The following DMD variants were observed in gnomAD, a reference collection of about 807,000 sequenced individuals.
The protein encoded by DMD is dystrophin.
A neutral mutation model predicts 330.1 loss-of-function variants in DMD; 63 were observed. The ratio of observed to expected loss-of-function variants is 0.19; its 90% confidence interval spans 0.16 to 0.24. The LOEUF (loss-of-function observed/expected upper bound fraction) is 0.24. Ranked by LOEUF, DMD falls within the 10% of genes least tolerant of loss-of-function variation. The pLI is 1.00. For missense variants in DMD, 3,344 were observed against 2,684.1 expected, an observed-to-expected ratio of 1.25 and a Z score of -5.43; for synonymous variants, 1,223 against 959.8, an observed-to-expected ratio of 1.27 and a Z score of -5.07.
chrX:31,453,196 C>T (rs2065885412), intron 59 of DMD, among the ~76,000 whole-genome samples: 1 of 111,220 alleles, frequency 9.0e-6, no homozygotes, highest in South Asian at 3.8e-4. Context: ...CGCTCTGTTG[C>T]CCAGGCTGGA....
intron 2 of DMD, among the ~76,000 whole-genome samples, chrX:32,901,750 A>T (rs1161662214): frequency 9.0e-6 from 1 of 110,910 alleles, no homozygotes; most frequent in East Asian, 2.8e-4. Flanking sequence ...GAAAATTATA[A>T]AATAGAAAAA....
At chrX:33,182,872 A>G (rs1485418686) in intron 1 of DMD, among the ~76,000 whole-genome samples, 2 of 112,412 alleles carry the variant, frequency 1.8e-5, no homozygotes, top group Non-Finnish European at 3.8e-5. Context: ...TATAAAGCTG[A>G]CAATAAGCAT....
intron 74 of DMD, among the ~76,000 whole-genome samples, chrX:31,154,475 T>C (rs1315791595): frequency 9.3e-6 from 1 of 107,412 alleles, no homozygotes; most frequent in African/African-American, 3.4e-5. Flanking sequence ...TTTGTATTTT[T>C]AGTAGAGACA....
chrX:32,441,408 AC>A, intron 27 of DMD, 94 bp from the exon 28 acceptor site: 1 of 909,213 alleles, frequency 1.1e-6, no homozygotes, highest in Non-Finnish European at 1.6e-6. Context: ...TGAAAATATA[AC>A]ACTTTGTATT....
chrX:32,806,813 T>C (rs745823082), intron 7 of DMD, among the ~76,000 whole-genome samples: 20 of 62,049 alleles, frequency 3.2e-4, no homozygotes, highest in Non-Finnish European at 2.1e-4. Context: ...TACAACTACA[T>C]GGAAACTAAC....
At chrX:32,547,872 A>G (rs1466224399) in intron 16 of DMD, among the ~76,000 whole-genome samples, 3 of 111,620 alleles carry the variant, frequency 2.7e-5, no homozygotes, top group African/African-American at 9.7e-5. Flanking sequence ...CTGCCTGATT[A>G]AGACTTCCTC....
At chrX:31,743,939 C>T (rs1045864559) in intron 51 of DMD, among the ~76,000 whole-genome samples, 2 of 110,776 alleles carry the variant, frequency 1.8e-5, no homozygotes, top group African/African-American at 6.6e-5. Context: ...TTACTGCCGC[C>T]TTGACCTCCT....
chrX:31,244,382 G>T (rs896764810), intron 63 of DMD, among the ~76,000 whole-genome samples: 3 of 111,660 alleles, frequency 2.7e-5, no homozygotes, highest in Admixed American at 1.9e-4. Flanking sequence ...GTCTGTTTTT[G>T]ACCACACTGA....
intron 44 of DMD, among the ~76,000 whole-genome samples, chrX:32,178,940 T>TTC (rs528690053): frequency 0.041 from 2,788 of 68,537 alleles, 70 homozygotes; most frequent in East Asian, 0.097. Flanking sequence ...AAACCCCAGA[T>TTC]TCTCTCTCTC....
chrX:31,762,524 G>A (rs770888466), intron 51 of DMD, among the ~76,000 whole-genome samples: 11 of 111,609 alleles, frequency 9.9e-5, no homozygotes, highest in African/African-American at 1.6e-4. Flanking sequence ...AGTCGAGATC[G>A]CGCCACTGCA....
rs1169678184 is a variant in DMD, at chrX:32,883,823, C to CCAAAAAAAAAAAAAAAAAAAA, written c.94-34004_94-34003insTTTTTTTTTTTTTTTTTTTTG. Among the ~76,000 whole-genome samples the CCAAAAAAAAAAAAAAAAAAAA allele has an allele frequency of 3.3e-4, 10 of 30,339 alleles. 1 individual carries two copies. Among genetic ancestry groups the CCAAAAAAAAAAAAAAAAAAAA allele is most frequent in the African/African-American group, 1.4e-3 (10 of 6,969 alleles). 26.3% of individuals were successfully genotyped at this position (30,339 alleles called of 115,157 possible). A position where few individuals can be genotyped will look rare whatever the true frequency, so the allele number is the denominator to read the frequency against. On this transcript the variant is annotated intron_variant, in intron 2 of 78. Transcript: ENST00000357033. ...TGGGTGACAGAGCAAGACTCTGTTTCAAAAAAAAAAAAAAAAAAAAAAAAA... is the reference window on the plus strand; with the variant it reads ...TGGGTGACAGAGCAAGACTCTGTTTCCAAAAAAAAAAAAAAAAAAAAAAAAAAAAAAAAAAAAAAAAAAAAA...
At chrX:31,593,644 C>T (rs2076978204) in intron 55 of DMD, among the ~76,000 whole-genome samples, 2 of 110,722 alleles carry the variant, frequency 1.8e-5, no homozygotes, top group African/African-American at 6.5e-5. Context: ...GTAGCTTTTT[C>T]CTCGACTTTA....
At chrX:32,269,980 C>G (rs1042015635) in intron 43 of DMD, among the ~76,000 whole-genome samples, 1 of 112,103 alleles carries the variant, frequency 8.9e-6, no homozygotes, top group African/African-American at 3.2e-5. Context: ...TACTTATTTA[C>G]CACAGCTAGA....
At chrX:32,753,373 C>T (rs761222126) in intron 7 of DMD, among the ~76,000 whole-genome samples, 11 of 112,007 alleles carry the variant, frequency 9.8e-5, no homozygotes, top group Non-Finnish European at 1.9e-4. Flanking sequence ...ACACTTTGCC[C>T]ATAGGAGGTG....
intron 47 of DMD, among the ~76,000 whole-genome samples, chrX:31,885,653 C>T (rs1301857247): frequency 2.1e-5 from 2 of 96,351 alleles, no homozygotes; most frequent in African/African-American, 7.6e-5. Flanking sequence ...AAAAAGACAT[C>T]ATTTGATAAA....
intron 59 of DMD, among the ~76,000 whole-genome samples, chrX:31,449,420 C>T (rs905451834): frequency 1.8e-5 from 2 of 110,814 alleles, no homozygotes; most frequent in Non-Finnish European, 3.8e-5. Flanking sequence ...TCATTTTCTC[C>T]AACAGTGTTG....
intron 44 of DMD, among the ~76,000 whole-genome samples, chrX:32,093,565 C>A (rs2096488718): frequency 9.0e-6 from 1 of 111,671 alleles, no homozygotes; most frequent in African/African-American, 3.2e-5. Flanking sequence ...TCAACAAAGG[C>A]CAGATTAGAA....
At chrX:31,868,944 T>C (rs2093844783) in intron 48 of DMD, among the ~76,000 whole-genome samples, 1 of 111,704 alleles carries the variant, frequency 9.0e-6, no homozygotes, top group Non-Finnish European at 1.9e-5. Flanking sequence ...AAAGTATATA[T>C]ACAAAACCAA....
intron 2 of DMD, among the ~76,000 whole-genome samples, chrX:32,887,302 C>T (rs1030621026): frequency 2.8e-5 from 3 of 108,803 alleles, no homozygotes; most frequent in South Asian, 4.0e-4. Flanking sequence ...AGCCGAGATC[C>T]CATCACTGCA....
Sources: gnomAD v4.1 joint callset for allele counts (sites outside exome capture counted in the v4.1 genomes callset) on GRCh38, gnomAD v4.1.1 for gene constraint, MANE v1.5 for transcripts, NCBI Gene and HGNC (gene_info 2026-07-23, HGNC 2026-07-21) for gene names.